COL5A2: variants seen among roughly 807,000 people sequenced by gnomAD.
The protein encoded by COL5A2 is collagen type V alpha 2 chain.
Under a neutral mutation model 208.2 loss-of-function variants are expected in COL5A2, and 23 were observed. The ratio of observed to expected loss-of-function variants is 0.11; its 90% CI spans 0.08 to 0.16. The LOEUF (loss-of-function observed/expected upper bound fraction) is 0.16, where lower values mean the gene tolerates loss of function less well. Among genes scored for constraint, COL5A2 ranks in the 10% least tolerant of loss-of-function variants. The pLI is 1.00. For missense variants in COL5A2, 1,590 were observed against 1,956.4 expected (o/e 0.81, Z 3.53); for synonymous variants, 625 against 628.5 (o/e 0.99, Z 0.08).
At chr2:189,252,312 C>T in the COL5A2 span, among the ~76,000 whole-genome samples, 39 of 152,136 alleles carry the variant, frequency 2.6e-4, no homozygotes, top group African/African-American at 3.6e-4. Context: ...CACATGCACA[C>T]GTATGTTTAT....
chr2:189,312,371 G>A, the COL5A2 span, among the ~76,000 whole-genome samples: 20 of 152,044 alleles, frequency 1.3e-4, no homozygotes, highest in Admixed American at 3.3e-4. Flanking sequence ...ATCCCACGCC[G>A]CCCCAGAAGC....
At chr2:189,225,711 A>G (rs1257587836), upstream of COL5A2, among the ~76,000 whole-genome samples, 1 of 152,186 alleles carries the variant, frequency 6.6e-6, no homozygotes, top group Non-Finnish European at 1.5e-5. Flanking sequence ...AAAAAAAATA[A>G]GCAAACAAAA....
At chr2:189,256,865 T>A in the COL5A2 span, among the ~76,000 whole-genome samples, 1 of 152,140 alleles carries the variant, frequency 6.6e-6, no homozygotes, top group Non-Finnish European at 1.5e-5. Context: ...CCTGACCTCA[T>A]GACCTGCCTG....
chr2:189,205,530 T>C (rs1689131149), intron 1 of COL5A2, among the ~76,000 whole-genome samples: 1 of 152,224 alleles, frequency 6.6e-6, no homozygotes, highest in South Asian at 2.1e-4. Flanking sequence ...CAGCAGTTTA[T>C]ATTTGGCCTT....
intron 7 of COL5A2, 76 bp from the exon 8 acceptor site, chr2:189,088,848 A>G: frequency 9.2e-7 from 1 of 1,090,072 alleles, no homozygotes; most frequent in Non-Finnish European, 1.4e-6. Context: ...GGATAAATGT[A>G]CACTCTCTAG....
the COL5A2 span, among the ~76,000 whole-genome samples, chr2:189,388,904 T>C: frequency 3.9e-5 from 6 of 152,102 alleles, no homozygotes; most frequent in Admixed American, 2.0e-4. Flanking sequence ...GAGAACAAGA[T>C]GGTTTAGGCA....
the COL5A2 span, chr2:189,311,590 C>G: frequency 8.4e-7 from 1 of 1,188,388 alleles, no homozygotes; most frequent in Non-Finnish European, 1.2e-6. Context: ...TCAGGCTGTT[C>G]TCCAAGCTGG....
At chr2:189,151,100 G>A (rs1688133012) in intron 1 of COL5A2, among the ~76,000 whole-genome samples, 1 of 152,038 alleles carries the variant, frequency 6.6e-6, no homozygotes, top group African/African-American at 2.4e-5. Context: ...AGCTACCATG[G>A]CCTATAATAA....
the COL5A2 span, among the ~76,000 whole-genome samples, chr2:189,436,756 A>T: frequency 6.6e-6 from 1 of 152,186 alleles, no homozygotes; most frequent in Non-Finnish European, 1.5e-5. Flanking sequence ...TGAAACAAAA[A>T]AAACAAACAC....
the COL5A2 span, among the ~76,000 whole-genome samples, chr2:189,253,218 G>GCTATTACCAACCT: frequency 6.6e-6 from 1 of 152,170 alleles, no homozygotes; most frequent in Non-Finnish European, 1.5e-5. Context: ...TTACCAATAA[G>GCTATTACCAACCT]GTCAGAGACA....
chr2:189,250,421 A>G, the COL5A2 span, among the ~76,000 whole-genome samples: 1 of 152,232 alleles, frequency 6.6e-6, no homozygotes, highest in African/African-American at 2.4e-5. Flanking sequence ...CAAGTAACAA[A>G]GTTTAACCAG....
chr2:189,034,119 C>G lies in COL5A2; in HGVS notation c.4451G>C (p.Gly1484Ala), dbSNP rs761481937. The G allele has an allele frequency of 1.2e-6, 2 of 1,613,896 alleles. No individual in the cohort carries two copies. Among genetic ancestry groups the G allele is most frequent in the African/African-American group, 1.3e-5 (1 of 74,910 alleles). Residue 1484 changes from glycine (G) to alanine (A), a missense_variant, in exon 54 of 54, where the codon GGC becomes GCC. Gly to Ala is a moderately conservative substitution (Grantham distance 60). Transcript: ENST00000374866. ...TTCAACGCCGAATTCCTGGTCTGTGCCGCCAACATCCACAGGAGCAAGATC... is the reference window on the plus strand; with the variant it reads ...TTCAACGCCGAATTCCTGGTCTGTGGCGCCAACATCCACAGGAGCAAGATC... ...IIDLAPVDVG[G>A]TDQEFGVEIG... is the part of the protein sequence containing the mutation.
At chr2:189,383,445 A>C in the COL5A2 span, among the ~76,000 whole-genome samples, 2 of 152,186 alleles carry the variant, frequency 1.3e-5, no homozygotes, top group African/African-American at 2.4e-5. Context: ...CCATCTCTAA[A>C]TACAGTAAAC....
chr2:189,169,557 G>T (rs1318989185), intron 1 of COL5A2, among the ~76,000 whole-genome samples: 1 of 152,080 alleles, frequency 6.6e-6, no homozygotes, highest in African/African-American at 2.4e-5. Context: ...TTACCAAAAT[G>T]ATCATAGTAG....
chr2:189,178,948 G>C (rs1576576782), intron 1 of COL5A2, among the ~76,000 whole-genome samples: 1 of 152,190 alleles, frequency 6.6e-6, no homozygotes, highest in East Asian at 1.9e-4. Flanking sequence ...AAGCAAAAGT[G>C]ATCACATTTT....
chr2:189,330,253 T>C, the COL5A2 span, among the ~76,000 whole-genome samples: 1 of 151,718 alleles, frequency 6.6e-6, no homozygotes, highest in Non-Finnish European at 1.5e-5. Flanking sequence ...GAGAGCAGAG[T>C]AAAAAATCCT....
At chr2:189,083,356 T>C (rs1334388847) in intron 12 of COL5A2, among the ~76,000 whole-genome samples, 1 of 152,176 alleles carries the variant, frequency 6.6e-6, no homozygotes, top group African/African-American at 2.4e-5. Context: ...GCCAGGAGTC[T>C]ATTCTTTTAG....
intron 1 of COL5A2, among the ~76,000 whole-genome samples, chr2:189,168,153 A>T (rs1358801460): frequency 6.7e-6 from 1 of 150,284 alleles, no homozygotes; most frequent in South Asian, 2.1e-4. Flanking sequence ...GTTAGCCAGG[A>T]TGGTGTCGAT....
chr2:189,419,991 GGAGAGGA>G, the COL5A2 span, among the ~76,000 whole-genome samples: 1 of 146,182 alleles, frequency 6.8e-6, no homozygotes, highest in East Asian at 2.0e-4. Context: ...AAGAGGAGGA[GGAGAGGA>G]GAGAGGAGGA....
Sources: gnomAD v4.1 joint callset for allele counts (sites outside exome capture counted in the v4.1 genomes callset) on GRCh38, gnomAD v4.1.1 for gene constraint, MANE v1.5 for transcripts, NCBI Gene and HGNC (gene_info 2026-07-23, HGNC 2026-07-21) for gene names.